OPCML: variants seen among roughly 807,000 people sequenced by gnomAD.
The protein encoded by OPCML is opioid binding protein/cell adhesion molecule like.
Under a neutral mutation model 37.8 loss-of-function variants are expected in OPCML, and 13 were observed. The ratio of observed to expected loss-of-function variants is 0.34; its 90% CI spans 0.22 to 0.55. The LOEUF (loss-of-function observed/expected upper bound fraction) is 0.55, where lower values mean the gene tolerates loss of function less well. OPCML is among the 20% of genes least tolerant of loss of function. OPCML has a pLI of 0.91. For missense variants in OPCML, 341 were observed against 435.6 expected, an observed-to-expected ratio of 0.78 and a Z score of 1.93; for synonymous variants, 176 against 168.8, an observed-to-expected ratio of 1.04 and a Z score of -0.33.
At chr11:133,396,103 T>G (rs567952616) in intron 1 of OPCML, among the ~76,000 whole-genome samples, 1 of 152,296 alleles carries the variant, frequency 6.6e-6, no homozygotes, top group South Asian at 2.1e-4. Context: ...TTTCACTTCT[T>G]TGGTTAATTC....
chr11:133,198,629 T>C (rs1033879434), intron 1 of OPCML, among the ~76,000 whole-genome samples: 9 of 152,166 alleles, frequency 5.9e-5, no homozygotes, highest in African/African-American at 2.2e-4. Context: ...TGGACTCACA[T>C]CTATTCTGTT....
At chr11:133,080,462 T>C (rs1213666280) in intron 1 of OPCML, among the ~76,000 whole-genome samples, 8 of 148,670 alleles carry the variant, frequency 5.4e-5, no homozygotes, top group Non-Finnish European at 1.2e-4. Flanking sequence ...ATTCCCACTT[T>C]GGTAATCAAA....
At chr11:132,530,510 A>C (rs1178904765) in intron 3 of OPCML, among the ~76,000 whole-genome samples, 1 of 152,000 alleles carries the variant, frequency 6.6e-6, no homozygotes, top group Non-Finnish European at 1.5e-5. Flanking sequence ...CCAAGTAATC[A>C]TGGAAGCAAA....
chr11:132,694,949 C>T (rs11223173), intron 2 of OPCML, among the ~76,000 whole-genome samples: 12 of 152,088 alleles, frequency 7.9e-5, no homozygotes, highest in Admixed American at 1.3e-4. Flanking sequence ...ATGATACCTG[C>T]GACATTAATG....
chr11:133,052,028 G>A (rs1948141103), intron 1 of OPCML, among the ~76,000 whole-genome samples: 1 of 152,154 alleles, frequency 6.6e-6, no homozygotes. Context: ...TTCAATTCTG[G>A]CTAAACCACC....
intron 1 of OPCML, among the ~76,000 whole-genome samples, chr11:133,427,403 C>T (rs1443993047): frequency 9.0e-6 from 1 of 110,710 alleles, no homozygotes; most frequent in East Asian, 2.5e-4. Context: ...AGCCACTTTG[C>T]AGAGCGGGGC....
At chr11:133,192,455 T>A (rs1938363375) in intron 1 of OPCML, among the ~76,000 whole-genome samples, 1 of 152,202 alleles carries the variant, frequency 6.6e-6, no homozygotes, top group Non-Finnish European at 1.5e-5. Context: ...GAAGGAGGCT[T>A]AAAAGTTATT....
chr11:133,109,464 A>T (rs1044237449), intron 1 of OPCML, among the ~76,000 whole-genome samples: 4 of 152,064 alleles, frequency 2.6e-5, no homozygotes, highest in African/African-American at 9.7e-5. Context: ...TAGGATCCTG[A>T]TGATTGGTGC....
chr11:133,524,968 A>G (rs1185854283), intron 1 of OPCML, among the ~76,000 whole-genome samples: 3 of 152,192 alleles, frequency 2.0e-5, no homozygotes, highest in Non-Finnish European at 4.4e-5. Context: ...TCTCTCATTC[A>G]TTTGTTCAAC....
At chr11:133,462,670 C>T (rs73039053) in intron 1 of OPCML, among the ~76,000 whole-genome samples, 29,215 of 151,912 alleles carry the variant, frequency 0.19, 7,374 homozygotes, top group African/African-American at 0.58. Flanking sequence ...TATTAAAATA[C>T]CAGAGAATAA....
chr11:132,768,980 T>C (rs532393893), intron 2 of OPCML, among the ~76,000 whole-genome samples: 1 of 152,226 alleles, frequency 6.6e-6, no homozygotes, highest in African/African-American at 2.4e-5. Flanking sequence ...AAGTAATAAA[T>C]GTCAGGTTTA....
At position 133,437,304 on chromosome 11, in the gene OPCML, T is replaced by C. The variant is rs1365487095; in HGVS notation, c.61+94960A>G. ...ATTATCAATAACCTAATAATATCAATAGGGGCTAAGATGAGATGGCGGGCA... is the reference window on the plus strand; with the variant it reads ...ATTATCAATAACCTAATAATATCAACAGGGGCTAAGATGAGATGGCGGGCA... On this transcript the variant is annotated intron_variant, in intron 1 of 7. Transcript: ENST00000524381. Among the ~76,000 whole-genome samples the C allele has an allele frequency of 5.3e-5, 8 of 152,184 alleles. No individual in the cohort carries two copies. In the East Asian group the frequency reaches 1.4e-3, roughly 26 times the overall value.
At chr11:132,426,705 T>A (rs2136680333) in intron 7 of OPCML, among the ~76,000 whole-genome samples, 1 of 152,330 alleles carries the variant, frequency 6.6e-6, no homozygotes, top group East Asian at 1.9e-4. Flanking sequence ...ATGCTGGAAT[T>A]ACAGGCATGA....
chr11:132,509,200 A>G (rs1234481472), intron 4 of OPCML, among the ~76,000 whole-genome samples: 1 of 152,098 alleles, frequency 6.6e-6, no homozygotes, highest in Non-Finnish European at 1.5e-5. Context: ...GTTGAGAGAG[A>G]TGATTTTGGG....
At chr11:132,666,626 T>G (rs1942235378) in intron 2 of OPCML, among the ~76,000 whole-genome samples, 1 of 152,306 alleles carries the variant, frequency 6.6e-6, no homozygotes, top group East Asian at 1.9e-4. Flanking sequence ...AATTGTTAGA[T>G]TAACAGACAA....
chr11:132,997,200 C>A lies in OPCML; in HGVS notation c.62-54190G>T, dbSNP rs371494185. Among the ~76,000 whole-genome samples the A allele has an allele frequency of 5.3e-5, 8 of 152,332 alleles. No homozygotes were observed. The East Asian group carries it at 1.2e-3, about 22-fold the overall frequency. On this transcript the variant is annotated intron_variant, in intron 1 of 7. Coordinates refer to ENST00000524381, the MANE Select transcript of OPCML (RefSeq NM_001012393.5). ...CATCACTCCTGTGCCCTCGCCCTCA[C>A]ACGTATCTGCACATGAGTCACACAT... is the stretch of plus-strand genomic sequence containing the variant.
chr11:132,768,047 G>T (rs1009055090), intron 2 of OPCML, among the ~76,000 whole-genome samples: 2 of 152,322 alleles, frequency 1.3e-5, no homozygotes. Flanking sequence ...CAAAGAGATG[G>T]TGTTGACCCA....
At chr11:133,372,636 T>G (rs1286736472) in intron 1 of OPCML, among the ~76,000 whole-genome samples, 1 of 152,236 alleles carries the variant, frequency 6.6e-6, no homozygotes, top group African/African-American at 2.4e-5. Context: ...CTAATGTATG[T>G]GGATGTGTTT....
At chr11:133,226,352 G>T (rs973075512) in intron 1 of OPCML, among the ~76,000 whole-genome samples, 2 of 152,182 alleles carry the variant, frequency 1.3e-5, no homozygotes, top group Non-Finnish European at 2.9e-5. Context: ...GGTTTTGGGG[G>T]GTTAGGGGTG....
Sources: allele counts gnomAD v4.1 joint callset (sites outside exome capture counted in the v4.1 genomes callset), GRCh38; gene constraint gnomAD v4.1.1; transcripts MANE v1.5; gene names NCBI Gene and HGNC (gene_info 2026-07-23, HGNC 2026-07-21).